Variants in RNF220 observed in about 807,000 individuals in gnomAD.
The protein encoded by RNF220 is E3 ubiquitin-protein ligase RNF220.
Under a neutral mutation model 67.1 loss-of-function variants are expected in RNF220, and 7 were observed. The observed-to-expected ratio is 0.10, with a 90% confidence interval of 0.06 to 0.20. The LOEUF (loss-of-function observed/expected upper bound fraction) is 0.20, where lower values mean the gene tolerates loss of function less well. RNF220 is among the 10% of genes least tolerant of loss of function. The pLI, the probability that RNF220 is intolerant of heterozygous loss-of-function variation, is 1.00. For missense variants in RNF220, 565 were observed against 740.3 expected (o/e 0.76, Z 2.75); for synonymous variants, 270 against 283.2 (o/e 0.95, Z 0.47).
At chr1:44,580,281 A>G (rs758216820) in intron 2 of RNF220, among the ~76,000 whole-genome samples, 3 of 152,076 alleles carry the variant, frequency 2.0e-5, no homozygotes, top group Non-Finnish European at 2.9e-5. Context: ...CCCTTTTCCC[A>G]CCATGACAAT....
chr1:44,628,541 GGGCAAATCAAACTA>G (rs1644024018), intron 5 of RNF220, among the ~76,000 whole-genome samples: 1 of 152,172 alleles, frequency 6.6e-6, no homozygotes, highest in Non-Finnish European at 1.5e-5. Context: ...ACCTCCGAAA[GGGCAAATCAAACTA>G]GGTTGTGTCC....
intron 12 of RNF220, among the ~76,000 whole-genome samples, chr1:44,647,833 C>T (rs1268730917): frequency 6.6e-6 from 1 of 152,164 alleles, no homozygotes; most frequent in Non-Finnish European, 1.5e-5. Flanking sequence ...TGTCCTTGCC[C>T]AAAGTCCACG....
intron 2 of RNF220, among the ~76,000 whole-genome samples, chr1:44,475,195 A>G (rs902042654): frequency 6.6e-6 from 1 of 152,234 alleles, no homozygotes; most frequent in African/African-American, 2.4e-5. Context: ...AAAGATCTGA[A>G]AAGCCAGTCA....
intron 2 of RNF220, among the ~76,000 whole-genome samples, chr1:44,468,037 T>C (rs1321673159): frequency 6.6e-6 from 1 of 151,950 alleles, no homozygotes; most frequent in Non-Finnish European, 1.5e-5. Context: ...CCATCTTATA[T>C]GAGTGTGGTT....
In RNF220 at chr1:44,417,986, GCCCGTCGCGCCCCCCGCCCTGC is replaced by G. The variant is rs1648754288; in HGVS notation, c.625+5269_625+5290del. On this transcript the variant is annotated intron_variant, in intron 2 of 14. Transcript: ENST00000361799. This position sits in a 1 kb window ranked among gnomAD's most constrained non-coding sequence, Gnocchi z 4.0. ...CCAGCCCGCGGCCGCACACACGAGG[GCCCGTCGCGCCCCCCGCCCTGC>G]CCCGCCTCGCCCTCCACGTCCCTGC... Among the ~76,000 whole-genome samples, 4 of 151,944 alleles carry G rather than the reference GCCCGTCGCGCCCCCCGCCCTGC, an allele frequency of 2.6e-5. No individual in the cohort carries two copies. The highest frequency in any genetic ancestry group is 9.6e-5 in the African/African-American group (4 of 41,454).
At chr1:44,460,781 T>C (rs963775414) in intron 2 of RNF220, among the ~76,000 whole-genome samples, 3 of 152,218 alleles carry the variant, frequency 2.0e-5, no homozygotes, top group African/African-American at 7.2e-5. Context: ...ATTCTAAGCC[T>C]GAAGTGCCAG....
At chr1:44,481,867 A>G (rs1655847754) in intron 2 of RNF220, among the ~76,000 whole-genome samples, 1 of 152,208 alleles carries the variant, frequency 6.6e-6, no homozygotes, top group South Asian at 2.1e-4. Context: ...TTTAAAAGAC[A>G]AGAAGGGATG....
chr1:44,598,264 A>C (rs1666675115), intron 2 of RNF220, among the ~76,000 whole-genome samples: 1 of 152,172 alleles, frequency 6.6e-6, no homozygotes, highest in South Asian at 2.1e-4. Context: ...GAGCAGCAGC[A>C]GGAGCTGCAA....
rs761824786 is a variant in RNF220, at chr1:44,412,059, C to G, written c.-39C>G. On this transcript the variant is annotated 5_prime_UTR_variant, in exon 2 of 15. Transcript: ENST00000361799. The surrounding 1 kb of genome is among the most constrained non-coding windows in gnomAD (Gnocchi z 5.3). ...TGGTTGGCCTCCCTCCCAGGGAAGA[C>G]TGCTTCTTGCGTAACGCCGGCCACA... 26 of 1,575,476 alleles carry G rather than the reference C, an allele frequency of 1.7e-5. No homozygotes were observed. Among genetic ancestry groups the G allele is most frequent in the Non-Finnish European group, 2.2e-5 (26 of 1,159,556 alleles).
Position 44,650,557 on chromosome 1 carries a change from A to C in RNF220, c.1630-147A>C, listed in dbSNP as rs1644764610. On this transcript the variant is annotated intron_variant, in intron 14 of 14. Coordinates refer to ENST00000361799, the MANE Select transcript of RNF220 (RefSeq NM_018150.4). This position sits in a 1 kb window ranked among gnomAD's most constrained non-coding sequence, Gnocchi z 4.3. Reference sequence around the variant, plus strand: ...CAGGAGCGTGCCTGCCTGCTCACAGAAGCTGCCTATGCGTCCCCAGCCTGG... The same window carrying C: ...CAGGAGCGTGCCTGCCTGCTCACAGCAGCTGCCTATGCGTCCCCAGCCTGG... 1 of 778,514 alleles carries C rather than the reference A, an allele frequency of 1.3e-6. No homozygotes were observed. Among genetic ancestry groups the C allele is most frequent in the African/African-American group, 1.7e-5 (1 of 58,430 alleles). 48.2% of individuals were successfully genotyped at this position (778,514 alleles called of 1,614,324 possible).
At chr1:44,430,167 A>C (rs1572474287) in intron 2 of RNF220, among the ~76,000 whole-genome samples, 1 of 152,076 alleles carries the variant, frequency 6.6e-6, no homozygotes, top group African/African-American at 2.4e-5. Context: ...TGAAACTGTT[A>C]ATGCTAGTTT....
At chr1:44,486,480 C>T (rs562124771) in intron 2 of RNF220, among the ~76,000 whole-genome samples, 1 of 152,308 alleles carries the variant, frequency 6.6e-6, no homozygotes, top group South Asian at 2.1e-4. Context: ...CTTCTTTTCT[C>T]TCTCTCCAAG....
chr1:44,650,005 C>A lies in RNF220; in HGVS notation c.1629+48C>A. On this transcript the variant is annotated intron_variant, in intron 14 of 14. Coordinates refer to ENST00000361799, the MANE Select transcript of RNF220 (RefSeq NM_018150.4). The surrounding 1 kb of genome is among the most constrained non-coding windows in gnomAD (Gnocchi z 4.3). The stretch of plus-strand genomic sequence containing the variant: ...GAATGGGAGGCCGCTCCGGGCACTG[C>A]CCAGATGTCTGTGCTTATGCCTGAG... The A allele has an allele frequency of 6.3e-7, 1 of 1,578,072 alleles. No homozygotes were observed. The highest frequency in any genetic ancestry group is 8.7e-7 in the Non-Finnish European group (1 of 1,154,068).
At chr1:44,423,781 G>T (rs1649463837) in intron 2 of RNF220, 11 of 948,908 alleles carry the variant, frequency 1.2e-5, no homozygotes, top group Non-Finnish European at 1.4e-5. Flanking sequence ...GGGATTCTTG[G>T]CAGAGTTTCT....
intron 2 of RNF220, among the ~76,000 whole-genome samples, chr1:44,426,108 T>C (rs1354806729): frequency 6.6e-6 from 1 of 152,204 alleles, no homozygotes; most frequent in Non-Finnish European, 1.5e-5. Flanking sequence ...TGAAAGAAGT[T>C]TACCCTTTGC....
intron 2 of RNF220, among the ~76,000 whole-genome samples, chr1:44,602,849 C>G (rs1667019544): frequency 1.3e-5 from 2 of 152,084 alleles, no homozygotes; most frequent in South Asian, 4.1e-4. Context: ...GCTCAATCGT[C>G]CCCTGTGAGG....
chr1:44,584,705 C>CT (rs1665566555), intron 2 of RNF220, among the ~76,000 whole-genome samples: 1 of 152,028 alleles, frequency 6.6e-6, no homozygotes, highest in African/African-American at 2.4e-5. Flanking sequence ...TGTTTGTTTG[C>CT]TTTTTTCTTT....
chr1:44,581,443 C>T (rs992803310), intron 2 of RNF220, among the ~76,000 whole-genome samples: 2 of 152,156 alleles, frequency 1.3e-5, no homozygotes, highest in East Asian at 3.9e-4. Context: ...CCAGGGAATC[C>T]CTGCTTTGGC....
chr1:44,426,268 T>G (rs1466122792), intron 2 of RNF220, among the ~76,000 whole-genome samples: 1 of 152,184 alleles, frequency 6.6e-6, no homozygotes, highest in Non-Finnish European at 1.5e-5. Context: ...GAAGAGGGCT[T>G]TCTGCCCTAG....
Sources: gnomAD v4.1 joint callset for allele counts (sites outside exome capture counted in the v4.1 genomes callset) on GRCh38, gnomAD v4.1.1 for gene constraint, Gnocchi (gnomAD v3.1) non-coding constraint, MANE v1.5 for transcripts, NCBI Gene and HGNC (gene_info 2026-07-23, HGNC 2026-07-21) for gene names.